FSTL4: variants seen among roughly 807,000 people sequenced by gnomAD.
FSTL4 encodes the protein follistatin like 4.
In FSTL4, 28 loss-of-function variants were observed where a neutral mutation model predicts 78.2. The observed-to-expected ratio is 0.36, with a 90% confidence interval of 0.27 to 0.49. The LOEUF is 0.49. Ranked by LOEUF, FSTL4 falls within the 20% of genes least tolerant of loss-of-function variation. The pLI, the probability that FSTL4 is intolerant of heterozygous loss-of-function variation, is 0.98. For missense variants in FSTL4, 922 were observed against 1,084.9 expected (o/e 0.85, Z 2.11); for synonymous variants, 422 against 440.5 (o/e 0.96, Z 0.53).
At chr5:133,796,985 G>A in the FSTL4 span, among the ~76,000 whole-genome samples, 1 of 152,130 alleles carries the variant, frequency 6.6e-6, no homozygotes, top group African/African-American at 2.4e-5. Flanking sequence ...AGACTGCATT[G>A]AGCCCAGGAA....
chr5:133,333,052 ACACT>A (rs753218663), intron 4 of FSTL4, among the ~76,000 whole-genome samples: 9 of 151,998 alleles, frequency 5.9e-5, no homozygotes, highest in African/African-American at 1.2e-4. Context: ...ACATACACAC[ACACT>A]CACTCACACT....
At chr5:133,301,572 C>A (rs769253807) in intron 6 of FSTL4, among the ~76,000 whole-genome samples, 4 of 152,200 alleles carry the variant, frequency 2.6e-5, no homozygotes, top group Non-Finnish European at 5.9e-5. Flanking sequence ...ATCGCACCAC[C>A]TGTGGAGGGG....
the FSTL4 span, among the ~76,000 whole-genome samples, chr5:133,712,967 C>T: frequency 3.3e-5 from 5 of 152,256 alleles, 1 homozygote; most frequent in African/African-American, 1.2e-4. Context: ...TGGTGCTGAG[C>T]CCCACTAGAA....
chr5:133,214,781 C>T (rs1044966644), intron 13 of FSTL4, among the ~76,000 whole-genome samples: 9 of 152,270 alleles, frequency 5.9e-5, no homozygotes, highest in Middle Eastern at 3.4e-3. Context: ...TGACTCCTGC[C>T]TAGAGTCAAT....
At chr5:133,318,888 G>A (rs535805091) in intron 4 of FSTL4, among the ~76,000 whole-genome samples, 49 of 152,300 alleles carry the variant, frequency 3.2e-4, no homozygotes, top group Non-Finnish European at 5.0e-4. Context: ...CTCTTATTTC[G>A]TCTCAGGACC....
chr5:133,748,520 G>A, the FSTL4 span, among the ~76,000 whole-genome samples: 3 of 152,168 alleles, frequency 2.0e-5, no homozygotes, highest in South Asian at 2.1e-4. Flanking sequence ...GCAGTAAGCC[G>A]AGATGGTGCC....
the FSTL4 span, among the ~76,000 whole-genome samples, chr5:133,677,599 T>G: frequency 4.6e-5 from 7 of 152,148 alleles, no homozygotes; most frequent in Admixed American, 4.6e-4. Flanking sequence ...AAGAAAATAG[T>G]CTCTCCAAGC....
At chr5:133,840,337 G>T in the FSTL4 span, among the ~76,000 whole-genome samples, 1 of 152,226 alleles carries the variant, frequency 6.6e-6, no homozygotes, top group Non-Finnish European at 1.5e-5. Flanking sequence ...GGTTCAGATT[G>T]TGTAAGGAGA....
At chr5:133,471,971 C>G (rs977777709) in intron 3 of FSTL4, among the ~76,000 whole-genome samples, 2 of 152,132 alleles carry the variant, frequency 1.3e-5, no homozygotes, top group African/African-American at 2.4e-5. Context: ...CAGTTAAGAG[C>G]TGCTGGGCCT....
the FSTL4 span, among the ~76,000 whole-genome samples, chr5:133,693,699 TAGA>T: frequency 6.6e-6 from 1 of 152,174 alleles, no homozygotes; most frequent in African/African-American, 2.4e-5. Context: ...TTATGAACAA[TAGA>T]AGTTTATTTG....
chr5:133,427,168 C>T (rs552743773), intron 3 of FSTL4, among the ~76,000 whole-genome samples: 47 of 152,318 alleles, frequency 3.1e-4, no homozygotes, highest in African/African-American at 8.7e-4. Flanking sequence ...CACATAACCT[C>T]TCTGGGCCTC....
chr5:133,670,579 T>C, the FSTL4 span, among the ~76,000 whole-genome samples: 1 of 152,120 alleles, frequency 6.6e-6, no homozygotes, highest in Admixed American at 6.5e-5. Flanking sequence ...TATTATGGAG[T>C]AGTAACTAAC....
chr5:133,834,565 G>T, the FSTL4 span, among the ~76,000 whole-genome samples: 2 of 152,010 alleles, frequency 1.3e-5, no homozygotes, highest in East Asian at 3.8e-4. Context: ...ACTGGAAAAA[G>T]TATCAAGATG....
At chr5:133,707,163 T>C in the FSTL4 span, among the ~76,000 whole-genome samples, 2 of 152,358 alleles carry the variant, frequency 1.3e-5, no homozygotes, top group African/African-American at 4.8e-5. Context: ...TCCCTGCTGC[T>C]GCTCTCCCAT....
chr5:133,534,470 C>T (rs932267730), intron 3 of FSTL4, among the ~76,000 whole-genome samples: 1 of 152,136 alleles, frequency 6.6e-6, no homozygotes, highest in Non-Finnish European at 1.5e-5. Flanking sequence ...TGTATTTCTT[C>T]ACACTATTCC....
chr5:133,353,565 T>C (rs939717846), intron 4 of FSTL4, among the ~76,000 whole-genome samples: 1 of 151,702 alleles, frequency 6.6e-6, no homozygotes, highest in African/African-American at 2.4e-5. Flanking sequence ...AATGAGGGAA[T>C]GTTGTAGAAA....
chr5:133,295,184 C>T (rs1222588677), intron 6 of FSTL4, among the ~76,000 whole-genome samples: 1 of 152,188 alleles, frequency 6.6e-6, no homozygotes, highest in South Asian at 2.1e-4. Flanking sequence ...CATGACCTTG[C>T]TTCCTGATTC....
At chr5:133,684,003 T>G in the FSTL4 span, among the ~76,000 whole-genome samples, 1 of 152,182 alleles carries the variant, frequency 6.6e-6, no homozygotes, top group Non-Finnish European at 1.5e-5. Flanking sequence ...TCATGCTAGA[T>G]GGCTATACTG....
chr5:133,672,399 G>C, the FSTL4 span, among the ~76,000 whole-genome samples: 1 of 152,204 alleles, frequency 6.6e-6, no homozygotes, highest in Non-Finnish European at 1.5e-5. Flanking sequence ...TTTGGTTTAA[G>C]CCAGTGCGAT....
Sources: gnomAD v4.1 joint callset for allele counts (sites outside exome capture counted in the v4.1 genomes callset) on GRCh38, gnomAD v4.1.1 for gene constraint, MANE v1.5 for transcripts, NCBI Gene and HGNC (gene_info 2026-07-23, HGNC 2026-07-21) for gene names.